Variants in THRAP3 observed in about 807,000 individuals in gnomAD.
THRAP3 encodes the protein thyroid hormone receptor associated protein 3, also known as thyroid hormone receptor-associated protein 3.
In THRAP3, 16 loss-of-function variants were observed where a neutral mutation model predicts 101.0. The ratio of observed to expected loss-of-function variants is 0.16; its 90% CI spans 0.11 to 0.24. The LOEUF (loss-of-function observed/expected upper bound fraction) is 0.24, where lower values mean the gene tolerates loss of function less well. THRAP3 is among the 10% of genes least tolerant of loss of function. The pLI, the probability that THRAP3 is intolerant of heterozygous loss-of-function variation, is 1.00. For synonymous variants in THRAP3, 407 were observed against 422.6 expected, an observed-to-expected ratio of 0.96 and a Z score of 0.45; for missense variants, 989 against 1,202.7, an observed-to-expected ratio of 0.82 and a Z score of 2.63.
At chr1:36,234,118 G>T (rs917401090) in intron 1 of THRAP3, among the ~76,000 whole-genome samples, 5 of 152,036 alleles carry the variant, frequency 3.3e-5, no homozygotes, top group Non-Finnish European at 7.4e-5. Context: ...ACCATGCCTG[G>T]CTAATTTTTG....
intron 1 of THRAP3, among the ~76,000 whole-genome samples, chr1:36,238,333 T>A (rs1294057538): frequency 6.6e-6 from 1 of 152,242 alleles, no homozygotes; most frequent in African/African-American, 2.4e-5. Flanking sequence ...GTGGGAAATT[T>A]GGAAATTAGG....
chr1:36,226,727 A>G (rs1644966338), intron 1 of THRAP3, among the ~76,000 whole-genome samples: 1 of 152,106 alleles, frequency 6.6e-6, no homozygotes, highest in Non-Finnish European at 1.5e-5. Context: ...ATAAACATCT[A>G]AGATCTGTTC....
chr1:36,299,567 C>A (rs889988973), intron 9 of THRAP3, among the ~76,000 whole-genome samples: 1 of 150,794 alleles, frequency 6.6e-6, no homozygotes, highest in African/African-American at 2.4e-5. Context: ...ATGATATGAT[C>A]TCGGCTCACT....
intron 1 of THRAP3, among the ~76,000 whole-genome samples, chr1:36,252,342 C>T (rs184785820): frequency 1.2e-3 from 189 of 152,262 alleles, no homozygotes; most frequent in African/African-American, 4.3e-3. Context: ...TCAGGCTGGC[C>T]TGGAACTCCT....
chr1:36,298,915 C>T (rs1645994552), intron 9 of THRAP3, among the ~76,000 whole-genome samples: 1 of 152,200 alleles, frequency 6.6e-6, no homozygotes, highest in Admixed American at 6.5e-5. Context: ...CCATCTCAGC[C>T]TCACAGTCAG....
At position 36,243,868 on chromosome 1, in the gene THRAP3, TG is replaced by T. The variant is rs1308847379; in HGVS notation, c.-134-15508del. On this transcript the variant is annotated intron_variant, in intron 1 of 11. Transcript: ENST00000354618. Reference sequence around the variant, plus strand: ...CTCCCGGACGGGGCGGCTGGCCGGGTGGGGGGCTGACCCCCCCACCTCCCTC... The same window carrying T: ...CTCCCGGACGGGGCGGCTGGCCGGGTGGGGGCTGACCCCCCCACCTCCCTC... Among the ~76,000 whole-genome samples the T allele has an allele frequency of 3.8e-5, 4 of 104,710 alleles. 1 individual carries two copies. Among genetic ancestry groups the T allele is most frequent in the African/African-American group, 1.5e-4 (4 of 26,308 alleles). 68.7% of individuals were successfully genotyped at this position (104,710 alleles called of 152,430 possible).
In THRAP3 at chr1:36,287,063, C is replaced by T. The variant is rs776945478; in HGVS notation, c.833C>T (p.Ser278Phe). The change falls in exon 4 of 12, where the codon TCC (serine) becomes TTC (phenylalanine). Residue 278 changes from serine (S) to phenylalanine (F), a missense_variant. Transcript: ENST00000354618. The stretch of plus-strand genomic sequence containing the variant: ...GTGCCAAAACCTAGTCCTCCACTTT[C>T]CAGCACATCCCAGATGGGCTCAACT... ...SPVPKPSPPLSSTSQMGSTLP... is the reference protein window; with the variant it reads ...SPVPKPSPPLFSTSQMGSTLP... The T allele has an allele frequency of 1.9e-6, 3 of 1,613,648 alleles. No homozygotes were observed. Among genetic ancestry groups the T allele is most frequent in the Admixed American group, 3.3e-5 (2 of 59,976 alleles).
chr1:36,294,020 C>A, intron 8 of THRAP3, 85 bp downstream of exon 8: 1 of 1,568,562 alleles, frequency 6.4e-7, no homozygotes, highest in South Asian at 1.2e-5. Flanking sequence ...TTAAATTACT[C>A]TCTACTTAAG....
intron 1 of THRAP3, among the ~76,000 whole-genome samples, chr1:36,241,139 G>A (rs1388611200): frequency 1.3e-5 from 2 of 150,606 alleles, no homozygotes; most frequent in Admixed American, 6.6e-5. Flanking sequence ...CCCAGGAGGC[G>A]GAGCTTGCAG....
chr1:36,291,312 T>C, intron 5 of THRAP3, 62 bp from the exon 6 acceptor site: 2 of 1,493,872 alleles, frequency 1.3e-6, no homozygotes, highest in South Asian at 1.3e-5. Context: ...AGTATTTTTA[T>C]GGTTTTAATG....
chr1:36,243,411 G>A (rs1399254981), intron 1 of THRAP3, among the ~76,000 whole-genome samples: 1 of 151,818 alleles, frequency 6.6e-6, no homozygotes, highest in Non-Finnish European at 1.5e-5. Flanking sequence ...TAAGGAGCAT[G>A]CTGCCTTCAA....
chr1:36,238,978 G>A (rs1442108139), intron 1 of THRAP3, among the ~76,000 whole-genome samples: 1 of 151,834 alleles, frequency 6.6e-6, no homozygotes, highest in Non-Finnish European at 1.5e-5. Context: ...CTGTCGCCTA[G>A]GCTGGAGTGC....
intron 3 of THRAP3, among the ~76,000 whole-genome samples, chr1:36,285,308 G>A (rs1645781483): frequency 6.6e-6 from 1 of 152,214 alleles, no homozygotes; most frequent in East Asian, 1.9e-4. Flanking sequence ...CAGCTGCTTA[G>A]GAGTAGTGGT....
Position 36,231,250 on chromosome 1 carries a change from A to G in THRAP3, c.-135+6745A>G, listed in dbSNP as rs1171989609. ...TTGAAAGATGGAGTTGAAGCAATGC[A>G]GGGGGAACCCCCAAAACACTGAATT... On this transcript the variant is annotated intron_variant, in intron 1 of 11. Transcript: ENST00000354618. Among the ~76,000 whole-genome samples the G allele has an allele frequency of 2.0e-5, 3 of 152,174 alleles. No homozygotes were observed. In the East Asian group the frequency reaches 5.8e-4, roughly 29 times the overall value.
intron 2 of THRAP3, among the ~76,000 whole-genome samples, chr1:36,280,588 C>T (rs150597564): frequency 1.3e-5 from 2 of 152,302 alleles, no homozygotes; most frequent in Admixed American, 1.3e-4. Context: ...CAAGAGGCAG[C>T]ATTACTTGGC....
chr1:36,211,001 C>T, the THRAP3 span, among the ~76,000 whole-genome samples: 1 of 150,396 alleles, frequency 6.6e-6, no homozygotes, highest in Non-Finnish European at 1.5e-5. Context: ...TGCTTGAGCC[C>T]AGGAGTTTGA....
chr1:36,241,383 G>GTA (rs199655791), intron 1 of THRAP3, among the ~76,000 whole-genome samples: 1 of 132,098 alleles, frequency 7.6e-6, no homozygotes, highest in African/African-American at 3.1e-5. Context: ...ATGATAATGG[G>GTA]TGTATATATA....
At chr1:36,302,559 C>T (rs1646042703) in intron 11 of THRAP3, among the ~76,000 whole-genome samples, 1 of 152,214 alleles carries the variant, frequency 6.6e-6, no homozygotes, top group Admixed American at 6.5e-5. Context: ...CTCTCCCTTG[C>T]TCCTATCTGC....
intron 1 of THRAP3, among the ~76,000 whole-genome samples, chr1:36,250,273 G>T (rs1311303786): frequency 7.9e-5 from 12 of 151,132 alleles, no homozygotes; most frequent in Admixed American, 7.9e-4. Flanking sequence ...GAGGGCAGTG[G>T]CGCGATCTCA....
Sources: allele counts gnomAD v4.1 joint callset (sites outside exome capture counted in the v4.1 genomes callset), GRCh38; gene constraint gnomAD v4.1.1; transcripts MANE v1.5; gene names NCBI Gene and HGNC (gene_info 2026-07-23, HGNC 2026-07-21).